Variants in AGT observed in about 807,000 individuals in gnomAD.
The protein encoded by AGT is alpha-1 antiproteinase, antitrypsin.
A neutral mutation model predicts 28.1 loss-of-function variants in AGT; 26 were observed. That is an observed-to-expected ratio of 0.92 (90% CI 0.68 to 1.28). AGT has a LOEUF of 1.28. AGT is among the 50% of genes most tolerant of loss of function. The probability of loss-of-function intolerance (pLI) is 0.00; values close to 1 mark genes in which losing one functional copy is unlikely to be tolerated. For synonymous variants in AGT, 259 were observed against 259.6 expected (o/e 1.00, Z 0.02); for missense variants, 596 against 592.3 (o/e 1.01, Z -0.06).
chr1:230,736,672 C>T (rs895237979), intron 1 of AGT, among the ~76,000 whole-genome samples: 11 of 152,210 alleles, frequency 7.2e-5, no homozygotes, highest in Non-Finnish European at 1.5e-5. Flanking sequence ...TTCACTACCT[C>T]AGCTTTCTTT....
chr1:230,704,284 T>A lies in AGT; in HGVS notation c.1151A>T (p.Gln384Leu). The A allele has an allele frequency of 6.2e-7, 1 of 1,614,250 alleles. No individual in the cohort carries two copies. The highest frequency in any genetic ancestry group is 8.5e-7 in the Non-Finnish European group (1 of 1,180,046). ...QLVLQGSYDLQDLLAQAELPA... is the reference protein window; with the variant it reads ...QLVLQGSYDLLDLLAQAELPA... ...CAGCTCAGCCTGGGCGAGCAGGTCC[T>A]GCAGGTCATAAGATCCTTGCAGCAC... is the stretch of plus-strand genomic sequence containing the variant. Residue 384 changes from glutamine to leucine, a missense_variant, in exon 4 of 5, where the codon CAG becomes CTG. Transcript: ENST00000366667.
chr1:230,710,154 C>A lies in AGT; in HGVS notation c.670G>T (p.Val224Leu), dbSNP rs1481758609. The A allele has an allele frequency of 6.2e-7, 1 of 1,614,040 alleles. No homozygotes were observed. The highest frequency in any genetic ancestry group is 2.2e-5 in the East Asian group (1 of 44,900). Residue 224 changes from valine (V) to leucine (L), a missense_variant, in exon 2 of 5, where the codon GTG (valine) becomes TTG (leucine). By Grantham distance (32) the Val-to-Leu change is conservative. Transcript: ENST00000366667. Reference sequence around the variant, plus strand: ...AAGTCCAGAGAGCGTGGGAGGACCACAGGGGTATAGAGAGCCAGGCCCTGC... The same window carrying A: ...AAGTCCAGAGAGCGTGGGAGGACCAAAGGGGTATAGAGAGCCAGGCCCTGC... ...FVQGLALYTPVVLPRSLDFTE... is the reference protein window; with the variant it reads ...FVQGLALYTPLVLPRSLDFTE...
chr1:230,735,897 T>C (rs1386454562), intron 1 of AGT, among the ~76,000 whole-genome samples: 1 of 152,192 alleles, frequency 6.6e-6, no homozygotes, highest in Non-Finnish European at 1.5e-5. Context: ...AGTTCATCGA[T>C]TAAACACTCC....
At chr1:230,742,422 T>C (rs1488440060) in intron 1 of AGT, among the ~76,000 whole-genome samples, 3 of 152,146 alleles carry the variant, frequency 2.0e-5, no homozygotes, top group African/African-American at 7.2e-5. Context: ...TTCAAGCAAT[T>C]CTCCTACCTC....
At position 230,710,391 on chromosome 1, in the gene AGT, T is replaced by G; in HGVS notation, c.433A>C (p.Thr145Pro). The change falls in exon 2 of 5, where the codon ACA becomes CCA. Residue 145 changes from threonine to proline, a missense_variant. Physicochemically the swap from Thr to Pro is conservative, Grantham distance 38. Coordinates refer to ENST00000366667, the MANE Select transcript of AGT (RefSeq NM_001384479.1). The stretch of plus-strand genomic sequence containing the variant: ...AGGATTGCCTGTAGCCTGTCAGCTG[T>G]GTGGTCCAAGGCTCCCAGATAGAGA... ...ASLYLGALDH[T>P]ADRLQAILGV... 6.2e-7 allele frequency: 1 copy of G among 1,614,184 alleles called. No homozygotes were observed. The highest frequency in any genetic ancestry group is 2.2e-5 in the East Asian group (1 of 44,876).
chr1:230,714,161 G>A (rs749043635), upstream of AGT: 14 of 152,318 alleles, frequency 9.2e-5, no homozygotes, highest in Non-Finnish European at 1.8e-4. Context: ...TAGCTGAGGG[G>A]TGGGGATGGA....
chr1:230,710,572 T>C lies in AGT; in HGVS notation c.252A>G (p.Ala84=), dbSNP rs1485788982. Residue 84 remains alanine, a synonymous_variant, in exon 2 of 5, where the codon GCA becomes GCG. Coordinates refer to ENST00000366667, the MANE Select transcript of AGT (RefSeq NM_001384479.1). The part of the protein sequence containing the change: ...ALQDQLVLVA[A]KLDTEDKLRA... The stretch of plus-strand genomic sequence containing the variant: ...TCAACTTGTCTTCGGTGTCAAGTTT[T>C]GCAGCGACTAGCACCAGCTGGTCCT... The C allele has an allele frequency of 6.2e-7, 1 of 1,614,276 alleles. No homozygotes were observed. Among genetic ancestry groups the C allele is most frequent in the East Asian group, 2.2e-5 (1 of 44,888 alleles).
upstream of AGT, among the ~76,000 whole-genome samples, chr1:230,718,623 G>A (rs1663785490): frequency 6.6e-6 from 1 of 150,782 alleles, no homozygotes; most frequent in South Asian, 2.1e-4. Flanking sequence ...ACATATAAAT[G>A]AGGTCATGCA....
At chr1:230,741,980 C>CAGGAGTTGAGCCACTGA (rs1326058548) in intron 1 of AGT, among the ~76,000 whole-genome samples, 4 of 152,080 alleles carry the variant, frequency 2.6e-5, no homozygotes, top group Non-Finnish European at 5.9e-5. Flanking sequence ...CTCTTGAGCC[C>CAGGAGTTGAGCCACTGA]AGGAGTTCAA....
intron 1 of AGT, among the ~76,000 whole-genome samples, chr1:230,711,114 C>T (rs149077956): frequency 6.6e-6 from 1 of 152,306 alleles, no homozygotes; most frequent in South Asian, 2.1e-4. Context: ...AAGTCCTCAA[C>T]CCCAGGACCT....
rs551834453 is a variant in AGT, at chr1:230,702,950, A to G, written c.*191T>C. 1.3e-4 allele frequency: 80 copies of G among 635,478 alleles called. 1 individual carries two copies. The South Asian group carries it at 1.4e-3, about 11-fold the overall frequency. The allele number at this position is 635,478 out of a possible 1,614,324, so 39.4% of individuals were successfully genotyped here. A position where few individuals can be genotyped will look rare whatever the true frequency, so the allele number is the denominator to read the frequency against. ...GTGCCGCTGCAGGCTTCTACTGCTC[A>G]CTCCATGCAGCACACTTAGACCAAG... On this transcript the variant is annotated 3_prime_UTR_variant, in exon 5 of 5. Transcript: ENST00000366667.
chr1:230,730,325 C>T (rs1664030256), intron 1 of AGT, among the ~76,000 whole-genome samples: 1 of 152,056 alleles, frequency 6.6e-6, no homozygotes, highest in South Asian at 2.1e-4. Context: ...CCGTCCACCT[C>T]GGCTTCCCAA....
In AGT at chr1:230,708,777, G is replaced by A. The variant is rs138399305; in HGVS notation, c.829+1218C>T. Among the ~76,000 whole-genome samples the A allele has an allele frequency of 2.5e-4, 38 of 152,164 alleles. No homozygotes were observed. In the East Asian group the frequency reaches 6.6e-3, roughly 26 times the overall value. On this transcript the variant is annotated intron_variant, in intron 2 of 4. Coordinates refer to ENST00000366667, the MANE Select transcript of AGT (RefSeq NM_001384479.1). ...CGTGACTGTGTGCCTGGACTCTTGC[G>A]TAACCTTCAAACAATCCTCCCTGCC... is the stretch of plus-strand genomic sequence containing the variant.
chr1:230,706,461 A>G (rs1663390716), intron 2 of AGT, among the ~76,000 whole-genome samples: 1 of 152,192 alleles, frequency 6.6e-6, no homozygotes, highest in Non-Finnish European at 1.5e-5. Context: ...GCCAGGCACC[A>G]AACCGGGGGT....
Position 230,710,012 on chromosome 1 carries a change from G to C in AGT, c.812C>G (p.Thr271Ser), listed in dbSNP as rs774267658. Residue 271 changes from threonine (T) to serine (S), a missense_variant, in exon 2 of 5, where the codon ACC becomes AGC. Physicochemically the swap from Thr to Ser is moderately conservative, Grantham distance 58. Transcript: ENST00000366667. ...ASVDSTLAFNTYVHFQGKMKG... is the reference protein window; with the variant it reads ...ASVDSTLAFNSYVHFQGKMKG... ...TGCCTTACCTTGGAAGTGGACGTAG[G>C]TGTTGAAAGCCAGGGTGCTGTCCAC... 1 of 1,614,188 alleles carries C rather than the reference G, an allele frequency of 6.2e-7. No individual in the cohort carries two copies. The highest frequency in any genetic ancestry group is 1.1e-5 in the South Asian group (1 of 91,086).
At chr1:230,719,408 T>TATTATTA (rs1553314975), upstream of AGT, among the ~76,000 whole-genome samples, 1 of 93,496 alleles carries the variant, frequency 1.1e-5, no homozygotes, top group African/African-American at 4.2e-5. Context: ...ATCATTATGT[T>TATTATTA]TTTTTTTTTT....
chr1:230,731,703 T>TA (rs747492339), intron 1 of AGT, among the ~76,000 whole-genome samples: 1 of 151,986 alleles, frequency 6.6e-6, no homozygotes, highest in Non-Finnish European at 1.5e-5. Flanking sequence ...CCGTCTCTAC[T>TA]AAAAATACAA....
In AGT at chr1:230,704,252, T is replaced by TGGC. The variant is rs562507867; in HGVS notation, c.1180_1182dup (p.Ala394dup). On this transcript the variant is annotated inframe_insertion, in exon 4 of 5. Transcript: ENST00000366667. ...TGCAGGTTCAGCTCGGTGTGCAGAA[T>TGGC]GGCGGGCAGCTCAGCCTGGGCGAGC... 147 of 1,614,216 alleles carry TGGC rather than the reference T, an allele frequency of 9.1e-5. 2 individuals carry two copies. The East Asian group carries it at 2.2e-3, about 24-fold the overall frequency.
chr1:230,745,228 A>G (rs1664326384), intron 1 of AGT, among the ~76,000 whole-genome samples: 1 of 152,148 alleles, frequency 6.6e-6, no homozygotes, highest in African/African-American at 2.4e-5. Context: ...CATCTGTGGG[A>G]GTGGCAGGGG....
Sources: gnomAD v4.1 joint callset for allele counts (sites outside exome capture counted in the v4.1 genomes callset) on GRCh38, gnomAD v4.1.1 for gene constraint, MANE v1.5 for transcripts, NCBI Gene and HGNC (gene_info 2026-07-23, HGNC 2026-07-21) for gene names.